Variants in VAV1 observed in about 807,000 individuals in gnomAD.
VAV1 encodes proto-oncogene vav.
In VAV1, 33 loss-of-function variants were observed where a neutral mutation model predicts 128.1. That is an observed-to-expected ratio of 0.26 (90% CI 0.20 to 0.34). The LOEUF (loss-of-function observed/expected upper bound fraction) is 0.34. Among genes scored for constraint, VAV1 ranks in the 10% least tolerant of loss-of-function variants. VAV1 has a pLI of 1.00. For synonymous variants in VAV1, 394 were observed against 409.8 expected, an observed-to-expected ratio of 0.96 and a Z score of 0.47; for missense variants, 715 against 1,093.7, an observed-to-expected ratio of 0.65 and a Z score of 4.88.
chr19:6,829,068 A>AG (rs1971990651), intron 13 of VAV1, among the ~76,000 whole-genome samples, 168 bp downstream of exon 13: 1 of 142,546 alleles, frequency 7.0e-6, no homozygotes, highest in Non-Finnish European at 1.5e-5. Flanking sequence ...GATCTGGAGC[A>AG]GAGCCTGGGC....
intron 21 of VAV1, among the ~76,000 whole-genome samples, chr19:6,841,357 C>A (rs964949326): frequency 6.6e-6 from 1 of 152,130 alleles, no homozygotes; most frequent in African/African-American, 2.4e-5. Context: ...ATGCAAATAT[C>A]ATTTCGAATC....
In VAV1 at chr19:6,833,173, TC is replaced by T; in HGVS notation, c.1509-7del. ...CTTCTTTTTTTTTTTTTTTTAATTT[TC>T]CCCTGCCAGCTCCAACATCTATCCG... On this transcript the variant is annotated splice_polypyrimidine_tract_variant and intron_variant, in intron 15 of 26. Coordinates refer to ENST00000602142, the MANE Select transcript of VAV1 (RefSeq NM_005428.4). The T allele has an allele frequency of 1.9e-6, 3 of 1,585,058 alleles. No individual in the cohort carries two copies. In the East Asian group the frequency reaches 6.7e-5, roughly 35 times the overall value.
At chr19:6,814,708 CTT>C in intron 1 of VAV1, among the ~76,000 whole-genome samples, 2 of 132,688 alleles carry the variant, frequency 1.5e-5, no homozygotes, top group South Asian at 2.4e-4. Flanking sequence ...TTCTTTCTTT[CTT>C]TCTTTCTTTC....
At chr19:6,824,950 C>T (rs1971880764) in intron 6 of VAV1, 103 bp from the exon 7 acceptor site, 1 of 1,215,284 alleles carries the variant, frequency 8.2e-7, no homozygotes, top group African/African-American at 1.5e-5. Flanking sequence ...GGACGCGCTG[C>T]CTCTCTTTAT....
At chr19:6,853,793 G>T (rs1354778276) in intron 25 of VAV1, among the ~76,000 whole-genome samples, 154 bp from the exon 26 acceptor site, 2 of 151,928 alleles carry the variant, frequency 1.3e-5, no homozygotes, top group African/African-American at 2.4e-5. Context: ...GAGTACAATT[G>T]TGTCCCCTTA....
At chr19:6,799,357 A>G (rs1214826506) in intron 1 of VAV1, among the ~76,000 whole-genome samples, 1 of 152,038 alleles carries the variant, frequency 6.6e-6, no homozygotes, top group East Asian at 1.9e-4. Context: ...TTTAGTAAAG[A>G]CAGGGTTTCA....
chr19:6,818,064 C>T (rs1258077607), intron 1 of VAV1, among the ~76,000 whole-genome samples: 2 of 152,122 alleles, frequency 1.3e-5, no homozygotes, highest in Admixed American at 1.3e-4. Flanking sequence ...AAGTGATTCT[C>T]TCACTTCCAC....
intron 1 of VAV1, among the ~76,000 whole-genome samples, chr19:6,788,054 G>A (rs1414863951): frequency 6.6e-6 from 1 of 151,918 alleles, no homozygotes; most frequent in Admixed American, 6.6e-5. Context: ...TCCAGCCTGG[G>A]TGACAGAGCA....
intron 1 of VAV1, among the ~76,000 whole-genome samples, chr19:6,799,732 C>T (rs1188977332): frequency 6.6e-6 from 1 of 150,606 alleles, no homozygotes; most frequent in Non-Finnish European, 1.5e-5. Flanking sequence ...GTAGTCCTAA[C>T]TCTTTGGAAG....
At chr19:6,809,156 C>T (rs1971461975) in intron 1 of VAV1, among the ~76,000 whole-genome samples, 1 of 151,402 alleles carries the variant, frequency 6.6e-6, no homozygotes, top group African/African-American at 2.4e-5. Context: ...TCTTAGCTCA[C>T]TGCAACCTCA....
chr19:6,836,579 G>C lies in VAV1; in HGVS notation c.1914+11G>C, dbSNP rs2144800245. 2 of 1,613,730 alleles carry C rather than the reference G, an allele frequency of 1.2e-6. No individual in the cohort carries two copies. The highest frequency in any genetic ancestry group is 1.1e-5 in the South Asian group (1 of 91,076). ...CAGAACTGGTGGGAGGTACAGGCTG[G>C]GGCCACAAGAGTGATGGGGTGGGAC... On this transcript the variant is annotated intron_variant, in intron 20 of 26. Transcript: ENST00000602142.
intron 26 of VAV1, among the ~76,000 whole-genome samples, chr19:6,854,879 G>A (rs1972755547): frequency 6.6e-6 from 1 of 152,208 alleles, no homozygotes; most frequent in African/African-American, 2.4e-5. Flanking sequence ...GGTTGTATAT[G>A]TGTTGGGGGA....
intron 1 of VAV1, among the ~76,000 whole-genome samples, chr19:6,814,671 C>CTTTCTTTCTTTCCTTCTTTCTTT (rs540074087): frequency 1.6e-4 from 4 of 25,796 alleles, no homozygotes; most frequent in Non-Finnish European, 2.8e-4. Context: ...TTCCTTCCTT[C>CTTTCTTTCTTTCCTTCTTTCTTT]CTTTCTTTCT....
At chr19:6,796,772 T>C (rs1971145870) in intron 1 of VAV1, among the ~76,000 whole-genome samples, 1 of 152,198 alleles carries the variant, frequency 6.6e-6, no homozygotes, top group South Asian at 2.1e-4. Flanking sequence ...TTTTTCTCGC[T>C]TAACACTTAC....
intron 1 of VAV1, among the ~76,000 whole-genome samples, chr19:6,802,523 T>C (rs1254588256): frequency 6.6e-6 from 1 of 151,974 alleles, no homozygotes; most frequent in Non-Finnish European, 1.5e-5. Context: ...CCCTTTCCCC[T>C]CTTTGAGGCA....
At chr19:6,850,149 TG>T (rs2144827421) in intron 23 of VAV1, among the ~76,000 whole-genome samples, 1 of 150,928 alleles carries the variant, frequency 6.6e-6, no homozygotes, top group South Asian at 2.1e-4. Context: ...TTTTTTTTTT[TG>T]AGAGCTCAGC....
In VAV1 at chr19:6,836,436, GC is replaced by G. The variant is rs756621926; in HGVS notation, c.1785del (p.Lys596ArgfsTer60). Reference protein sequence around the residue: ...QDKKRNELGLPKMEVFQEYYG... With the variant: ...QDKKRNELGLXKMEVFQEYYG... ...CTCCTGTACCCTGTCCTCCAGGTCT[GC>G]CCAAGATGGAGGTGTTTCAGGAATA... On this transcript the variant is annotated frameshift_variant, in exon 20 of 27. Transcript: ENST00000602142. LOFTEE classifies it high-confidence loss of function. The G allele has an allele frequency of 6.2e-7, 1 of 1,614,004 alleles. No individual in the cohort carries two copies. Among genetic ancestry groups the G allele is most frequent in the Non-Finnish European group, 8.5e-7 (1 of 1,179,966 alleles).
chr19:6,825,415 C>A lies in VAV1; in HGVS notation c.827+9C>A. Reference sequence around the variant, plus strand: ...ATCAAATACAAGGAGAGGTGAGACCCAGCTGGCCAGACTGAAGCTCTGGGG... The same window carrying A: ...ATCAAATACAAGGAGAGGTGAGACCAAGCTGGCCAGACTGAAGCTCTGGGG... On this transcript the variant is annotated intron_variant, in intron 8 of 26. Transcript: ENST00000602142. The A allele has an allele frequency of 6.2e-7, 1 of 1,607,676 alleles. No individual in the cohort carries two copies.
At chr19:6,845,752 A>C (rs1394894771) in intron 22 of VAV1, among the ~76,000 whole-genome samples, 1 of 148,300 alleles carries the variant, frequency 6.7e-6, no homozygotes, top group African/African-American at 2.4e-5. Context: ...TAGGTTACCT[A>C]TTTACTTTAC....
Sources: gnomAD v4.1 joint callset for allele counts (sites outside exome capture counted in the v4.1 genomes callset) on GRCh38, gnomAD v4.1.1 for gene constraint, MANE v1.5 for transcripts, NCBI Gene and HGNC (gene_info 2026-07-23, HGNC 2026-07-21) for gene names.